The following ADGRA1 variants were observed in gnomAD, a reference collection of about 807,000 sequenced individuals.
ADGRA1 encodes the protein G-protein coupled receptor 123.
A neutral mutation model predicts 21.3 loss-of-function variants in ADGRA1; 12 were observed. The observed-to-expected ratio is 0.56, with a 90% CI of 0.36 to 0.91. The LOEUF is 0.91. Ranked by LOEUF, ADGRA1 falls within the 40% of genes least tolerant of loss-of-function variation. The pLI, the probability that ADGRA1 is intolerant of heterozygous loss-of-function variation, is 0.01. For missense variants in ADGRA1, 790 were observed against 805.6 expected, an observed-to-expected ratio of 0.98 and a Z score of 0.23; for synonymous variants, 385 against 368.8, an observed-to-expected ratio of 1.04 and a Z score of -0.50.
At chr10:133,095,567 G>A (rs1443569424) in intron 2 of ADGRA1, 2 of 1,441,112 alleles carry the variant, frequency 1.4e-6, no homozygotes, top group Admixed American at 2.4e-5. Context: ...CCCCTCCGGT[G>A]CCCGCCTGGC....
rs1378575511 is a variant in ADGRA1, at chr10:133,098,656, C to T, written c.148C>T (p.Arg50Cys). Residue 50 changes from arginine (R) to cysteine (C), a missense_variant, in exon 4 of 7, where the codon CGC becomes TGC. This residue lies in a region of ADGRA1 where 382 missense variants were observed against 415.6 expected (regional missense o/e 0.92). Coordinates refer to ENST00000392607, the MANE Select transcript of ADGRA1 (RefSeq NM_001083909.3). ...GTCCCACAGCGCCATCCGCATCAGC[C>T]GCAAGGGCCGGCACACGCTCCTGAA... ...IVHQSAIRIS[R>C]KGRHTLLNFC... 3.1e-6 allele frequency: 5 copies of T among 1,610,148 alleles called. No homozygotes were observed. The highest frequency in any genetic ancestry group is 1.7e-5 in the Admixed American group (1 of 59,976).
chr10:133,128,790 G>A lies in ADGRA1; in HGVS notation c.962G>A (p.Cys321Tyr). The stretch of plus-strand genomic sequence containing the variant: ...GTGTGGCAGTGCTGGTGGGCATGCT[G>A]CCCGCCCCGCAAGGACGCCCACCCC... ...EDVWQCWWAC[C>Y]PPRKDAHPAL... Residue 321 changes from cysteine (C) to tyrosine (Y), a missense_variant, in exon 7 of 7, where the codon TGC becomes TAC. Physicochemically the swap from Cys to Tyr is radical, Grantham distance 194. Transcript: ENST00000392607. 6.2e-7 allele frequency: 1 copy of A among 1,609,632 alleles called. No individual in the cohort carries two copies. Among genetic ancestry groups the A allele is most frequent in the South Asian group, 1.1e-5 (1 of 90,870 alleles).
chr10:133,128,101 G>C, intron 6 of ADGRA1, among the ~76,000 whole-genome samples: 1 of 110,970 alleles, frequency 9.0e-6, no homozygotes, highest in Non-Finnish European at 1.8e-5. Flanking sequence ...GCCTCTACCC[G>C]CACCTGGGAC....
rs1318800958 is a variant in ADGRA1, at chr10:133,128,713, C to T, written c.885C>T (p.Cys295=). ...TCAGCTGCCTGTACGGCGCCTTCTG[C>T]GTGACCCTGGGACTCTTCGTGCTCA... is the stretch of plus-strand genomic sequence containing the variant. ...MVFSCLYGAF[C]VTLGLFVLIH... The change falls in exon 7 of 7, where the codon TGC becomes TGT. Residue 295 remains cysteine, a synonymous_variant. Coordinates refer to ENST00000392607, the MANE Select transcript of ADGRA1 (RefSeq NM_001083909.3). The T allele has an allele frequency of 5.0e-6, 8 of 1,612,118 alleles. No individual in the cohort carries two copies. Among genetic ancestry groups the T allele is most frequent in the African/African-American group, 4.0e-5 (3 of 75,042 alleles).
At chr10:133,119,106 C>T (rs752491996) in intron 5 of ADGRA1, among the ~76,000 whole-genome samples, 9 of 152,186 alleles carry the variant, frequency 5.9e-5, no homozygotes, top group Admixed American at 1.3e-4. Flanking sequence ...CACACTTGCA[C>T]GCACACCCGC....
In ADGRA1 at chr10:133,128,887, G is replaced by C; in HGVS notation, c.1059G>C (p.Arg353=). Residue 353 remains arginine, a synonymous_variant, in exon 7 of 7, where the codon CGG becomes CGC. Transcript: ENST00000392607. ...ACTCGCCGGGACTGGGCCAGCCACG[G>C]GGCTTCGCGCACCCACCGGGCCCCT... The part of the protein sequence containing the change: ...CLHSPGLGQP[R]GFAHPPGPCK... 6.4e-7 allele frequency: 1 copy of C among 1,563,208 alleles called. No homozygotes were observed. The highest frequency in any genetic ancestry group is 8.6e-7 in the Non-Finnish European group (1 of 1,157,712).
intron 2 of ADGRA1, chr10:133,095,692 G>T (rs1488047638): frequency 6.3e-7 from 1 of 1,597,646 alleles, no homozygotes; most frequent in East Asian, 2.2e-5. Flanking sequence ...GCCAGCCAGG[G>T]CCTCGTCTTG....
chr10:133,125,502 C>A (rs918902635), intron 5 of ADGRA1, among the ~76,000 whole-genome samples: 1 of 152,230 alleles, frequency 6.6e-6, no homozygotes, highest in Admixed American at 6.5e-5. Context: ...CGGCTCACTG[C>A]AAACCCCGCC....
At chr10:133,113,565 C>G (rs1381658273) in intron 5 of ADGRA1, among the ~76,000 whole-genome samples, 1 of 152,222 alleles carries the variant, frequency 6.6e-6, no homozygotes, top group African/African-American at 2.4e-5. Flanking sequence ...CTGGGGCCCT[C>G]GGGCACTGGG....
intron 5 of ADGRA1, among the ~76,000 whole-genome samples, chr10:133,113,193 AGCCGCGTCGGTTATTTGAGGTCTGCGG>A (rs1852094776): frequency 4.8e-5 from 2 of 41,666 alleles, no homozygotes; most frequent in African/African-American, 1.9e-4. Flanking sequence ...GAGGTCTGTA[AGCCGCGTCGGTTATTTGAGGTCTGCGG>A]GCCGCGTCAG....
At chr10:133,121,871 G>T (rs572505375) in intron 5 of ADGRA1, among the ~76,000 whole-genome samples, 17 of 149,780 alleles carry the variant, frequency 1.1e-4, no homozygotes, top group African/African-American at 3.7e-4. Context: ...GAGTGCCTGT[G>T]TGTGGTGTGT....
In ADGRA1 at chr10:133,088,828, C is replaced by T. The variant is rs922410153; in HGVS notation, c.-82C>T. On this transcript the variant is annotated 5_prime_UTR_variant, in exon 2 of 7. Coordinates refer to ENST00000392607, the MANE Select transcript of ADGRA1 (RefSeq NM_001083909.3). The stretch of plus-strand genomic sequence containing the variant: ...ACCTTCCAGAGGCCATGGAGGCTGG[C>T]GGGGAGCAGGGCGCCACCTGATCGC... The T allele has an allele frequency of 1.8e-5, 22 of 1,235,064 alleles. No homozygotes were observed. The highest frequency in any genetic ancestry group is 2.1e-5 in the Non-Finnish European group (21 of 987,964). The allele number at this position is 1,235,064 out of a possible 1,614,324, so 76.5% of individuals were successfully genotyped here.
In ADGRA1 at chr10:133,111,331, C is replaced by A. The variant is rs368251600; in HGVS notation, c.401+8489C>A. On this transcript the variant is annotated intron_variant, in intron 5 of 6. Coordinates refer to ENST00000392607, the MANE Select transcript of ADGRA1 (RefSeq NM_001083909.3). ...ACCATCCCTCCTAATCCCACCAGAC[C>A]ACCTGCCCACCACAGGCACCTCCCT... 1.4e-3 allele frequency among the ~76,000 whole-genome samples: 91 copies of A among 63,238 alleles called. 4 individuals carry two copies. Among genetic ancestry groups the A allele is most frequent in the East Asian group, 3.4e-3 (3 of 882 alleles). 41.5% of individuals were successfully genotyped at this position (63,238 alleles called of 152,430 possible). A position where few individuals can be genotyped will look rare whatever the true frequency, so the allele number is the denominator to read the frequency against.
intron 2 of ADGRA1, among the ~76,000 whole-genome samples, chr10:133,090,511 A>G (rs1206093326): frequency 6.6e-6 from 1 of 152,206 alleles, no homozygotes. Context: ...CCCGTGCTGC[A>G]TCAGTCTGGT....
chr10:133,097,179 C>T (rs1460085643), intron 3 of ADGRA1, 78 bp downstream of exon 3: 1 of 1,522,180 alleles, frequency 6.6e-7, no homozygotes, highest in South Asian at 1.1e-5. Context: ...CCCTGAAGGG[C>T]AATGCCACTG....
intron 5 of ADGRA1, among the ~76,000 whole-genome samples, chr10:133,119,423 C>A (rs192691482): frequency 8.5e-4 from 129 of 152,320 alleles, no homozygotes; most frequent in Non-Finnish European, 1.0e-4. Flanking sequence ...ATGACATTTG[C>A]CACATTGATA....
intron 5 of ADGRA1, among the ~76,000 whole-genome samples, chr10:133,121,842 T>C (rs757845075): frequency 6.1e-5 from 9 of 146,652 alleles, no homozygotes; most frequent in Non-Finnish European, 1.0e-4. Context: ...CATATATGTG[T>C]GCCTGTGCGT....
rs1423246936 is a variant in ADGRA1, at chr10:133,097,117, G to C, written c.131+16G>C. On this transcript the variant is annotated intron_variant, in intron 3 of 6. Transcript: ENST00000392607. ...TGCACCAGAGGTGAGCCTGGCATGG[G>C]CAAGGGCGCCCCCTGTGCCCAAGAA... 2 of 1,602,992 alleles carry C rather than the reference G, an allele frequency of 1.2e-6. No individual in the cohort carries two copies. Among genetic ancestry groups the C allele is most frequent in the East Asian group, 4.5e-5 (2 of 44,894 alleles).
At chr10:133,115,153 A>G (rs1852133064) in intron 5 of ADGRA1, among the ~76,000 whole-genome samples, 1 of 152,090 alleles carries the variant, frequency 6.6e-6, no homozygotes, top group Non-Finnish European at 1.5e-5. Flanking sequence ...CCTGGGCCTC[A>G]GGCGATGGAT....
Sources: gnomAD v4.1 joint callset for allele counts (sites outside exome capture counted in the v4.1 genomes callset) on GRCh38, gnomAD v4.1.1 for gene constraint, gnomAD v4.1.1 regional missense constraint, MANE v1.5 for transcripts, NCBI Gene and HGNC (gene_info 2026-07-23, HGNC 2026-07-21) for gene names.